NAALADL2: variants seen among roughly 807,000 people sequenced by gnomAD.
NAALADL2 encodes inactive N-acetylated-alpha-linked acidic dipeptidase-like protein 2.
NAALADL2 carries 76 observed loss-of-function variants against 87.2 expected under a neutral mutation model. The ratio of observed to expected loss-of-function variants is 0.87; its 90% CI spans 0.72 to 1.05. The LOEUF is 1.05. Among genes scored for constraint, NAALADL2 ranks in the 50% least tolerant of loss-of-function variants. The pLI, the probability that NAALADL2 is intolerant of heterozygous loss-of-function variation, is 0.00. For missense variants in NAALADL2, 1,089 were observed against 945.8 expected, an observed-to-expected ratio of 1.15 and a Z score of -1.99; for synonymous variants, 354 against 331.0, an observed-to-expected ratio of 1.07 and a Z score of -0.75.
intron 1 of NAALADL2, among the ~76,000 whole-genome samples, chr3:175,048,108 G>A (rs979860275): frequency 3.3e-5 from 5 of 152,044 alleles, no homozygotes; most frequent in Admixed American, 2.6e-4. Flanking sequence ...TGATAAGTTG[G>A]AAATAAAAAG....
chr3:175,438,070 T>C (rs1719041716), intron 5 of NAALADL2, among the ~76,000 whole-genome samples: 1 of 152,202 alleles, frequency 6.6e-6, no homozygotes, highest in Middle Eastern at 3.4e-3. Flanking sequence ...AATTTTAGGC[T>C]TACAATTAGA....
At chr3:175,324,706 A>G (rs766059477) in intron 5 of NAALADL2, among the ~76,000 whole-genome samples, 47 of 152,326 alleles carry the variant, frequency 3.1e-4, no homozygotes, top group Non-Finnish European at 6.0e-4. Flanking sequence ...CAGCTGTAAT[A>G]ACTTTAAGTC....
intron 13 of NAALADL2, among the ~76,000 whole-genome samples, chr3:175,786,499 T>A (rs1328665627): frequency 6.6e-6 from 1 of 152,320 alleles, no homozygotes; most frequent in African/African-American, 2.4e-5. Context: ...CATCAGCTCC[T>A]GAGGCTTCTG....
At chr3:175,632,592 A>G (rs145137538) in intron 11 of NAALADL2, among the ~76,000 whole-genome samples, 2 of 152,260 alleles carry the variant, frequency 1.3e-5, no homozygotes, top group Non-Finnish European at 2.9e-5. Flanking sequence ...ATTGAAGGAC[A>G]GGATGTATGA....
intron 1 of NAALADL2, among the ~76,000 whole-genome samples, chr3:175,029,281 G>A (rs1219200289): frequency 6.6e-6 from 1 of 151,958 alleles, no homozygotes; most frequent in Non-Finnish European, 1.5e-5. Context: ...GTGCCCAACT[G>A]CTTCCCTTAC....
At chr3:175,073,461 G>A (rs1209222952) in intron 1 of NAALADL2, among the ~76,000 whole-genome samples, 2 of 152,030 alleles carry the variant, frequency 1.3e-5, no homozygotes, top group African/African-American at 2.4e-5. Flanking sequence ...GTGTAATTCA[G>A]TAGCTCCAAA....
chr3:175,314,640 G>A (rs1189556013), intron 4 of NAALADL2, among the ~76,000 whole-genome samples: 1 of 95,076 alleles, frequency 1.1e-5, no homozygotes, highest in Non-Finnish European at 2.1e-5. Flanking sequence ...AGTAAAATTA[G>A]CGTTTTCTAG....
At chr3:175,136,094 A>G (rs1187351060) in intron 2 of NAALADL2, among the ~76,000 whole-genome samples, 1 of 152,176 alleles carries the variant, frequency 6.6e-6, no homozygotes. Flanking sequence ...CTTAGGGTGT[A>G]GAGAGGGAAG....
chr3:174,586,709 G>A (rs1716765141), intron 2 of NAALADL2, among the ~76,000 whole-genome samples: 1 of 152,134 alleles, frequency 6.6e-6, no homozygotes, highest in Non-Finnish European at 1.5e-5. Flanking sequence ...CTCTGAGTTG[G>A]CCATACTTGA....
At chr3:174,920,534 T>C (rs947132672) in intron 1 of NAALADL2, among the ~76,000 whole-genome samples, 7 of 152,220 alleles carry the variant, frequency 4.6e-5, no homozygotes, top group Non-Finnish European at 5.9e-5. Flanking sequence ...ATCTTGCTCT[T>C]AATTAGGATT....
chr3:175,395,792 CAAT>C (rs1409392469), intron 5 of NAALADL2, among the ~76,000 whole-genome samples: 1 of 152,156 alleles, frequency 6.6e-6, no homozygotes, highest in African/African-American at 2.4e-5. Flanking sequence ...TAACTTGCTA[CAAT>C]AATAACAGCT....
intron 1 of NAALADL2, among the ~76,000 whole-genome samples, chr3:175,084,041 G>A (rs947678490): frequency 6.6e-6 from 1 of 152,180 alleles, no homozygotes; most frequent in African/African-American, 2.4e-5. Flanking sequence ...TGGAAGTGTA[G>A]GCCAGGACAT....
In NAALADL2 at chr3:175,522,877, A is replaced by G. The variant is rs1732844130; in HGVS notation, c.1653+51119A>G. On this transcript the variant is annotated intron_variant, in intron 9 of 13. Transcript: ENST00000454872. ...TCTATCAACAATATTCAATTTCTCT[A>G]CATATCCCTTAAAATCATCCAACTG... 2.0e-5 allele frequency among the ~76,000 whole-genome samples: 3 copies of G among 152,228 alleles called. No individual in the cohort carries two copies. In the South Asian group the frequency reaches 6.2e-4, roughly 31 times the overall value.
chr3:174,614,424 T>C (rs1720246755), intron 2 of NAALADL2, among the ~76,000 whole-genome samples: 1 of 152,208 alleles, frequency 6.6e-6, no homozygotes, highest in African/African-American at 2.4e-5. Context: ...GCTTCTTCCA[T>C]GGGTGAGCAT....
At chr3:174,824,295 A>G (rs1359111281) in intron 3 of NAALADL2, among the ~76,000 whole-genome samples, 5 of 152,186 alleles carry the variant, frequency 3.3e-5, no homozygotes, top group African/African-American at 9.6e-5. Flanking sequence ...AATAATCTAT[A>G]GAAAGAAGAC....
chr3:175,130,672 C>T (rs1360560571), intron 2 of NAALADL2, among the ~76,000 whole-genome samples: 2 of 152,172 alleles, frequency 1.3e-5, no homozygotes, highest in African/African-American at 2.4e-5. Context: ...TTGAGAGGGT[C>T]AGATAGAATT....
intron 6 of NAALADL2, among the ~76,000 whole-genome samples, chr3:175,448,187 A>G (rs1379760151): frequency 6.6e-6 from 1 of 152,258 alleles, no homozygotes; most frequent in Admixed American, 6.5e-5. Flanking sequence ...TTAGGGACAT[A>G]TGCTTTTCAA....
chr3:175,127,097 G>A (rs1727080206), intron 2 of NAALADL2, among the ~76,000 whole-genome samples: 1 of 152,018 alleles, frequency 6.6e-6, no homozygotes, highest in Admixed American at 6.6e-5. Context: ...CTCAAGAAAT[G>A]TTAGTCTGTT....
intron 12 of NAALADL2, among the ~76,000 whole-genome samples, chr3:175,748,847 G>A (rs548652800): frequency 7.9e-5 from 12 of 152,066 alleles, no homozygotes; most frequent in African/African-American, 2.9e-4. Context: ...GCTCATATCT[G>A]TAACCCCACC....
Sources: gnomAD v4.1 joint callset for allele counts (sites outside exome capture counted in the v4.1 genomes callset) on GRCh38, gnomAD v4.1.1 for gene constraint, MANE v1.5 for transcripts, NCBI Gene and HGNC (gene_info 2026-07-23, HGNC 2026-07-21) for gene names.